Variants in MRTFB observed in about 807,000 individuals in gnomAD.
MRTFB encodes the protein myocardin-related transcription factor B.
Under a neutral mutation model 104.2 loss-of-function variants are expected in MRTFB, and 29 were observed. The observed-to-expected ratio is 0.28, with a 90% confidence interval of 0.21 to 0.38. MRTFB has a LOEUF of 0.38. Ranked by LOEUF, MRTFB falls within the 10% of genes least tolerant of loss-of-function variation. The pLI is 1.00. For synonymous variants in MRTFB, 535 were observed against 519.5 expected (o/e 1.03, Z -0.41); for missense variants, 1,270 against 1,341.6 (o/e 0.95, Z 0.83).
At chr16:14,003,615 GGCCGGCCGGCCT>G in the MRTFB span, among the ~76,000 whole-genome samples, 1 of 6,710 alleles carries the variant, frequency 1.5e-4, no homozygotes, top group East Asian at 6.0e-4. Flanking sequence ...GCAGAGCTGG[GGCCGGCCGGCCT>G]GCCTGCCTGC....
At chr16:14,088,152 A>T (rs886877073) in intron 2 of MRTFB, among the ~76,000 whole-genome samples, 1 of 152,206 alleles carries the variant, frequency 6.6e-6, no homozygotes, top group Non-Finnish European at 1.5e-5. Flanking sequence ...GGTGACTGTT[A>T]CTTATACTGT....
At chr16:14,238,273 C>T (rs538064919) in intron 9 of MRTFB, among the ~76,000 whole-genome samples, 1 of 152,022 alleles carries the variant, frequency 6.6e-6, no homozygotes, top group African/African-American at 2.4e-5. Context: ...GAGACACTGT[C>T]GAGAGGCAGA....
At chr16:14,022,078 CA>C in the MRTFB span, among the ~76,000 whole-genome samples, 2 of 151,504 alleles carry the variant, frequency 1.3e-5, no homozygotes, top group Non-Finnish European at 2.9e-5. Flanking sequence ...TTGGGCCCAC[CA>C]AAAAAAATCC....
chr16:14,186,855 T>C, intron 3 of MRTFB: 2 of 1,596,736 alleles, frequency 1.3e-6, no homozygotes, highest in Non-Finnish European at 1.7e-6. Flanking sequence ...CGCACTTCGC[T>C]CTTCTGCAAA....
chr16:14,241,685 A>T (rs2042772782), intron 10 of MRTFB, among the ~76,000 whole-genome samples: 1 of 152,172 alleles, frequency 6.6e-6, no homozygotes, highest in Admixed American at 6.5e-5. Context: ...TTAAGATTCA[A>T]ATATCTTGAG....
intron 1 of MRTFB, among the ~76,000 whole-genome samples, chr16:14,074,497 T>C (rs1235015413): frequency 6.6e-6 from 1 of 152,192 alleles, no homozygotes; most frequent in Non-Finnish European, 1.5e-5. Flanking sequence ...ACTATGCACA[T>C]ATCTCTGATT....
intron 2 of MRTFB, among the ~76,000 whole-genome samples, chr16:14,113,536 G>A (rs2036384346): frequency 1.3e-5 from 2 of 152,208 alleles, no homozygotes; most frequent in African/African-American, 4.8e-5. Flanking sequence ...TAGAGTGGGT[G>A]TAGGATGTGA....
chr16:14,060,513 C>T, the MRTFB span, among the ~76,000 whole-genome samples: 5 of 152,188 alleles, frequency 3.3e-5, no homozygotes, highest in South Asian at 4.2e-4. Context: ...TTTTCTCTCT[C>T]GGCACCAGTC....
At chr16:14,210,355 CG>C (rs1567172643) in intron 4 of MRTFB, 47 bp downstream of exon 4, 1 of 1,459,278 alleles carries the variant, frequency 6.9e-7, no homozygotes, top group Admixed American at 1.8e-5. Flanking sequence ...CAGAACATGA[CG>C]GGCGTGTCCA....
At chr16:14,134,503 G>A (rs535259911) in intron 2 of MRTFB, among the ~76,000 whole-genome samples, 8 of 152,140 alleles carry the variant, frequency 5.3e-5, no homozygotes, top group Admixed American at 2.6e-4. Context: ...TTCCTTCATC[G>A]GCCATGAAGC....
intron 3 of MRTFB, among the ~76,000 whole-genome samples, chr16:14,155,380 G>T (rs2038791717): frequency 6.6e-6 from 1 of 152,038 alleles, no homozygotes; most frequent in African/African-American, 2.4e-5. Flanking sequence ...TATAGTTATA[G>T]TAGCTGTTAA....
At chr16:14,093,827 A>G (rs954901847) in intron 2 of MRTFB, among the ~76,000 whole-genome samples, 3 of 152,198 alleles carry the variant, frequency 2.0e-5, no homozygotes, top group African/African-American at 7.2e-5. Context: ...ACCCCTGCAA[A>G]TTGTATCACT....
At chr16:14,223,144 T>TA (rs2041816174) in intron 8 of MRTFB, among the ~76,000 whole-genome samples, 1 of 151,974 alleles carries the variant, frequency 6.6e-6, no homozygotes, top group Non-Finnish European at 1.5e-5. Context: ...CCATCTCTAC[T>TA]AAAAATACAA....
At chr16:14,171,462 T>G (rs726211) in intron 3 of MRTFB, among the ~76,000 whole-genome samples, 26,473 of 151,214 alleles carry the variant, frequency 0.18, 5,953 homozygotes, top group African/African-American at 0.52. Flanking sequence ...TTGTGCCACT[T>G]CATTCCAGCC....
chr16:14,032,902 G>A, the MRTFB span, among the ~76,000 whole-genome samples: 673 of 152,136 alleles, frequency 4.4e-3, 4 homozygotes, highest in African/African-American at 0.015. Flanking sequence ...GCTCACAACA[G>A]CCTTGACCTC....
intron 15 of MRTFB, 152 bp downstream of exon 15, chr16:14,252,654 C>T: frequency 2.0e-6 from 2 of 1,003,910 alleles, no homozygotes; most frequent in Non-Finnish European, 2.8e-6. Flanking sequence ...TATTTAAAAT[C>T]AAAATGTCAT....
intron 15 of MRTFB, among the ~76,000 whole-genome samples, chr16:14,254,884 T>C (rs2043412292): frequency 6.6e-6 from 1 of 152,202 alleles, no homozygotes; most frequent in Non-Finnish European, 1.5e-5. Flanking sequence ...GGCAAGGTTT[T>C]CAAAGCAACT....
At chr16:14,125,894 CAG>C (rs1295917193) in intron 2 of MRTFB, among the ~76,000 whole-genome samples, 1 of 152,164 alleles carries the variant, frequency 6.6e-6, no homozygotes, top group Non-Finnish European at 1.5e-5. Flanking sequence ...TTGCGGAACA[CAG>C]AAACCTGAGC....
the MRTFB span, among the ~76,000 whole-genome samples, chr16:14,030,623 C>G: frequency 6.6e-6 from 1 of 152,182 alleles, no homozygotes; most frequent in Non-Finnish European, 1.5e-5. Flanking sequence ...CATTCATCCT[C>G]CCAACTGCCT....
Sources: allele counts gnomAD v4.1 joint callset (sites outside exome capture counted in the v4.1 genomes callset), GRCh38; gene constraint gnomAD v4.1.1; transcripts MANE v1.5; gene names NCBI Gene and HGNC (gene_info 2026-07-23, HGNC 2026-07-21).